PUM1: variants seen among roughly 807,000 people sequenced by gnomAD.
PUM1 encodes pumilio homolog 1.
Under a neutral mutation model 131.8 loss-of-function variants are expected in PUM1, and 13 were observed. The observed-to-expected ratio is 0.10, with a 90% CI of 0.06 to 0.16. The LOEUF is 0.16. PUM1 is among the 10% of genes least tolerant of loss of function. The pLI is 1.00. For synonymous variants in PUM1, 509 were observed against 556.5 expected, an observed-to-expected ratio of 0.91 and a Z score of 1.20; for missense variants, 961 against 1,512.4, an observed-to-expected ratio of 0.64 and a Z score of 6.05.
chr1:31,042,575 A>G (rs1643856240), intron 2 of PUM1, among the ~76,000 whole-genome samples: 1 of 152,218 alleles, frequency 6.6e-6, no homozygotes, highest in Non-Finnish European at 1.5e-5. Context: ...ATGGCAGACC[A>G]AGCTCTTAAC....
At chr1:31,014,573 C>A (rs572503139) in intron 3 of PUM1, among the ~76,000 whole-genome samples, 1 of 151,086 alleles carries the variant, frequency 6.6e-6, no homozygotes, top group Non-Finnish European at 1.5e-5. Flanking sequence ...GGATTGCTTG[C>A]GGTCAGGAGT....
At chr1:30,971,389 C>A (rs1419706161) in intron 10 of PUM1, among the ~76,000 whole-genome samples, 1 of 152,172 alleles carries the variant, frequency 6.6e-6, no homozygotes, top group Non-Finnish European at 1.5e-5. Flanking sequence ...TAATTAAAAA[C>A]TAATGCTAAA....
chr1:31,036,299 G>A (rs113958778), intron 2 of PUM1, among the ~76,000 whole-genome samples: 5 of 151,906 alleles, frequency 3.3e-5, no homozygotes, highest in African/African-American at 4.8e-5. Context: ...CTTGAACTCC[G>A]ACCTCATGAT....
chr1:31,044,261 C>T (rs181144460), intron 2 of PUM1, among the ~76,000 whole-genome samples: 592 of 152,070 alleles, frequency 3.9e-3, no homozygotes, highest in Admixed American at 5.5e-3. Flanking sequence ...ATTAGCCAGG[C>T]GAGGTGGCGG....
At chr1:30,995,487 CT>C (rs886580051) in intron 5 of PUM1, among the ~76,000 whole-genome samples, 2 of 152,000 alleles carry the variant, frequency 1.3e-5, no homozygotes, top group African/African-American at 4.8e-5. Context: ...TTCTTCCTTC[CT>C]TTTTTTTCTT....
intron 10 of PUM1, among the ~76,000 whole-genome samples, chr1:30,971,489 T>C (rs960746450): frequency 6.6e-6 from 1 of 152,214 alleles, no homozygotes; most frequent in Non-Finnish European, 1.5e-5. Flanking sequence ...AACAAAAATA[T>C]ATGCATTTAG....
At chr1:30,990,280 C>T (rs759804368) in intron 7 of PUM1, among the ~76,000 whole-genome samples, 6 of 152,150 alleles carry the variant, frequency 3.9e-5, no homozygotes, top group Non-Finnish European at 8.8e-5. Flanking sequence ...AAGGAGCTTA[C>T]AATCTGGCAA....
chr1:30,989,707 C>G (rs376532992), intron 7 of PUM1, among the ~76,000 whole-genome samples: 1 of 151,688 alleles, frequency 6.6e-6, no homozygotes, highest in Admixed American at 6.6e-5. Context: ...CACTTGTCAT[C>G]GAGTACTTCC....
chr1:31,049,823 CTTTTTT>C (rs773718125), intron 2 of PUM1, among the ~76,000 whole-genome samples: 15 of 79,970 alleles, frequency 1.9e-4, no homozygotes, highest in Admixed American at 3.7e-4. Context: ...ACTGAACTTC[CTTTTTT>C]TTTTTTTTTT....
At chr1:31,011,743 A>G (rs1642625034) in intron 3 of PUM1, among the ~76,000 whole-genome samples, 1 of 152,204 alleles carries the variant, frequency 6.6e-6, no homozygotes, top group Admixed American at 6.5e-5. Context: ...AACCTATGAA[A>G]AGATAGTTCC....
chr1:30,949,634 GGT>G (rs1639844045), intron 17 of PUM1, among the ~76,000 whole-genome samples: 1 of 152,158 alleles, frequency 6.6e-6, no homozygotes, highest in South Asian at 2.1e-4. Flanking sequence ...GCAGGGATCA[GGT>G]GTTAGTCATC....
intron 2 of PUM1, chr1:31,050,897 G>T: frequency 3.9e-6 from 1 of 254,512 alleles, no homozygotes; most frequent in South Asian, 4.5e-5. Context: ...CTCTACTGGA[G>T]CCACTCGCAA....
chr1:30,976,485 A>G (rs1641142644), intron 9 of PUM1, among the ~76,000 whole-genome samples: 1 of 152,264 alleles, frequency 6.6e-6, no homozygotes, highest in African/African-American at 2.4e-5. Flanking sequence ...GCTACAGCTA[A>G]TTCTGGAGAA....
At chr1:31,002,236 A>C (rs926938452) in intron 5 of PUM1, among the ~76,000 whole-genome samples, 2 of 152,250 alleles carry the variant, frequency 1.3e-5, no homozygotes, top group African/African-American at 4.8e-5. Flanking sequence ...AAGTAAATGC[A>C]GTGAAACCTA....
chr1:30,989,445 G>A (rs556310063), intron 7 of PUM1, among the ~76,000 whole-genome samples: 2 of 151,886 alleles, frequency 1.3e-5, no homozygotes, highest in African/African-American at 4.8e-5. Context: ...AGTGGTGGGT[G>A]TCTGTAGTCC....
At chr1:31,025,738 T>G (rs1448766494) in intron 3 of PUM1, among the ~76,000 whole-genome samples, 1 of 151,844 alleles carries the variant, frequency 6.6e-6, no homozygotes, top group African/African-American at 2.4e-5. Flanking sequence ...GTATTTTTAG[T>G]AGAGATGGGA....
chr1:31,006,296 T>TTTA (rs1300301620), intron 4 of PUM1, among the ~76,000 whole-genome samples: 1 of 152,220 alleles, frequency 6.6e-6, no homozygotes, highest in African/African-American at 2.4e-5. Context: ...TTTTTACCCC[T>TTTA]TTATAAGTAA....
chr1:30,970,247 T>TA (rs137959283), intron 10 of PUM1, among the ~76,000 whole-genome samples: 11,025 of 149,810 alleles, frequency 0.074, 636 homozygotes, highest in East Asian at 0.29. Flanking sequence ...GTACCAGTGG[T>TA]AAAAAAAAAA....
intron 20 of PUM1, among the ~76,000 whole-genome samples, chr1:30,937,251 G>A (rs140204013): frequency 6.6e-6 from 1 of 152,274 alleles, no homozygotes. Flanking sequence ...TTCACCACCA[G>A]CTGGTTATTA....
Sources: gnomAD v4.1 joint callset for allele counts (sites outside exome capture counted in the v4.1 genomes callset) on GRCh38, gnomAD v4.1.1 for gene constraint, MANE v1.5 for transcripts, NCBI Gene and HGNC (gene_info 2026-07-23, HGNC 2026-07-21) for gene names.